FSCN1: variants seen among roughly 807,000 people sequenced by gnomAD.
FSCN1 encodes the protein fascin.
In FSCN1, 10 loss-of-function variants were observed where a neutral mutation model predicts 39.7. The observed-to-expected ratio is 0.25, with a 90% CI of 0.16 to 0.43. The LOEUF is 0.43. Ranked by LOEUF, FSCN1 falls within the 20% of genes least tolerant of loss-of-function variation. The pLI is 1.00. For synonymous variants in FSCN1, 322 were observed against 320.0 expected, an observed-to-expected ratio of 1.01 and a Z score of -0.07; for missense variants, 525 against 723.8, an observed-to-expected ratio of 0.73 and a Z score of 3.15.
rs375552132 is a variant in FSCN1 at position 5,603,215 on chromosome 7, G to C, written c.833-42G>C. 5.0e-6 allele frequency: 8 copies of C among 1,607,664 alleles called. No individual in the cohort carries two copies. The African/African-American group carries it at 6.7e-5, about 13-fold the overall frequency. On this transcript the variant is annotated intron_variant, in intron 1 of 4. Transcript: ENST00000382361. The surrounding 1 kb of genome is among the most constrained non-coding windows in gnomAD (Gnocchi z 8.5). Reference sequence around the variant, plus strand: ...GGGCTATGGTCTGCCAGAACTAGGGGGCGTGGGGCCCCAGTACCAGCCCAA... The same window carrying C: ...GGGCTATGGTCTGCCAGAACTAGGGCGCGTGGGGCCCCAGTACCAGCCCAA...
At position 5,592,848 on chromosome 7, in the gene FSCN1, G is replaced by C. The variant is rs890591289; in HGVS notation, c.-89G>C. The C allele has an allele frequency of 1.7e-5, 13 of 748,322 alleles. No individual in the cohort carries two copies. In the Admixed American group the frequency reaches 2.6e-4, roughly 15 times the overall value. 46.4% of individuals were successfully genotyped at this position (748,322 alleles called of 1,614,324 possible). On this transcript the variant is annotated 5_prime_UTR_variant, in exon 1 of 5. Coordinates refer to ENST00000382361, the MANE Select transcript of FSCN1 (RefSeq NM_003088.4). The surrounding 1 kb of genome is among the most constrained non-coding windows in gnomAD (Gnocchi z 5.3). Reference sequence around the variant, plus strand: ...GCTGCGGAGGGTGCGTGCGGGCCGCGGCAGCCGAACAAAGGAGCAGGGGCG... The same window carrying C: ...GCTGCGGAGGGTGCGTGCGGGCCGCCGCAGCCGAACAAAGGAGCAGGGGCG...
intron 1 of FSCN1, among the ~76,000 whole-genome samples, chr7:5,596,695 T>A (rs1785736356): frequency 6.6e-6 from 1 of 152,274 alleles, no homozygotes; most frequent in East Asian, 1.9e-4. Context: ...GCTTGGGACA[T>A]GCCCTCTCCC....
intron 1 of FSCN1, among the ~76,000 whole-genome samples, chr7:5,602,182 A>G (rs1785844263): frequency 6.7e-6 from 1 of 150,212 alleles, no homozygotes; most frequent in African/African-American, 2.5e-5. Flanking sequence ...CTGGGATTAC[A>G]GGTGTGAGCC....
chr7:5,603,168 C>A lies in FSCN1; in HGVS notation c.833-89C>A, dbSNP rs547043254. 2.2e-4 allele frequency: 324 copies of A among 1,455,828 alleles called. No homozygotes were observed. The highest frequency in any genetic ancestry group is 2.9e-4 in the Non-Finnish European group (304 of 1,058,776). The allele number at this position is 1,455,828 out of a possible 1,614,324, so 90.2% of individuals were successfully genotyped here. On this transcript the variant is annotated intron_variant, in intron 1 of 4. Coordinates refer to ENST00000382361, the MANE Select transcript of FSCN1 (RefSeq NM_003088.4). The surrounding 1 kb of genome is among the most constrained non-coding windows in gnomAD (Gnocchi z 8.5). ...CACCCCACCCCGTGGTGTTACCTTG[C>A]GTGTGTAGTTCTGTGAGCTCAGGGC...
chr7:5,604,555 G>C (rs1278474876), intron 4 of FSCN1, among the ~76,000 whole-genome samples: 1 of 152,096 alleles, frequency 6.6e-6, no homozygotes, highest in Non-Finnish European at 1.5e-5. Context: ...TGCAACCTCT[G>C]CCTCCTGGGT....
At chr7:5,601,197 C>CTTTTTTTTT (rs534109521) in intron 1 of FSCN1, among the ~76,000 whole-genome samples, 1 of 115,554 alleles carries the variant, frequency 8.7e-6, no homozygotes, top group Non-Finnish European at 1.7e-5. Flanking sequence ...TTCTTTCTTC[C>CTTTTTTTTT]TTTTTTTTTT....
chr7:5,600,962 T>G (rs1785819033), intron 1 of FSCN1, among the ~76,000 whole-genome samples: 1 of 131,920 alleles, frequency 7.6e-6, no homozygotes, highest in African/African-American at 3.0e-5. Context: ...TCCTTTTTTT[T>G]GTATTTTTAG....
chr7:5,596,366 T>A (rs767493920), intron 1 of FSCN1, among the ~76,000 whole-genome samples: 16 of 152,168 alleles, frequency 1.1e-4, no homozygotes, highest in Admixed American at 2.0e-4. Flanking sequence ...TGCGCCCTGC[T>A]CTTCAGCCTC....
At position 5,593,620 on chromosome 7, in the gene FSCN1, C is replaced by T; in HGVS notation, c.684C>T (p.Gly228=). ...SGKVAFRDCE[G]RYLAPSGPSG... is the part of the protein sequence containing the mutation. ...AGGTGGCCTTCCGCGACTGCGAGGGCCGTTACCTGGCGCCGTCGGGGCCCA... is the reference window on the plus strand; with the variant it reads ...AGGTGGCCTTCCGCGACTGCGAGGGTCGTTACCTGGCGCCGTCGGGGCCCA... Residue 228 remains glycine (G), a synonymous_variant, in exon 1 of 5, where the codon GGC becomes GGT. Transcript: ENST00000382361. 1.2e-5 allele frequency: 19 copies of T among 1,562,812 alleles called. No homozygotes were observed. The highest frequency in any genetic ancestry group is 1.5e-5 in the Non-Finnish European group (17 of 1,161,306).
chr7:5,598,157 G>A (rs1345088718), intron 1 of FSCN1, among the ~76,000 whole-genome samples: 2 of 152,178 alleles, frequency 1.3e-5, no homozygotes, highest in East Asian at 3.9e-4. Flanking sequence ...GAGCGGAGAG[G>A]CTGGGCCCTT....
chr7:5,594,819 T>C (rs1421082504), intron 1 of FSCN1: 1 of 152,252 alleles, frequency 6.6e-6, no homozygotes, highest in Non-Finnish European at 1.5e-5. Flanking sequence ...CCCTACCCTC[T>C]GGTGAACCCA....
Position 5,603,035 on chromosome 7 carries a change from G to C in FSCN1, c.833-222G>C. ...CCTATTATTTCTCTAACTGGGGAAA[G>C]TCATGTGGGAACAGATGTAGCTTGC... On this transcript the variant is annotated intron_variant, in intron 1 of 4. Transcript: ENST00000382361. This position sits in a 1 kb window ranked among gnomAD's most constrained non-coding sequence, Gnocchi z 8.5. 1.7e-6 allele frequency: 1 copy of C among 584,892 alleles called. No individual in the cohort carries two copies. Among genetic ancestry groups the C allele is most frequent in the South Asian group, 2.0e-5 (1 of 49,514 alleles). 36.2% of individuals were successfully genotyped at this position (584,892 alleles called of 1,614,324 possible).
Position 5,606,298 on chromosome 7 carries a change from T to C in FSCN1, c.*824T>C, listed in dbSNP as rs1330559876. On this transcript the variant is annotated 3_prime_UTR_variant, in exon 5 of 5. Transcript: ENST00000382361. The surrounding 1 kb of genome is among the most constrained non-coding windows in gnomAD (Gnocchi z 5.1). Reference sequence around the variant, plus strand: ...AGCCTGGCTGTAGTAGCGAGTGATCTGGCGGGGGGCGTCTCAGCACCCTCC... The same window carrying C: ...AGCCTGGCTGTAGTAGCGAGTGATCCGGCGGGGGGCGTCTCAGCACCCTCC... 2 of 152,140 alleles carry C rather than the reference T, an allele frequency of 1.3e-5. No homozygotes were observed. Among genetic ancestry groups the C allele is most frequent in the Admixed American group, 1.3e-4 (2 of 15,290 alleles). 9.4% of individuals were successfully genotyped at this position (152,140 alleles called of 1,614,324 possible).
chr7:5,601,348 A>G (rs2966446), intron 1 of FSCN1, among the ~76,000 whole-genome samples: 22,116 of 151,402 alleles, frequency 0.15, 1,622 homozygotes, highest in South Asian at 0.18. Context: ...GATTACAGGC[A>G]TGCCCCACCA....
At chr7:5,597,692 A>C (rs890536413) in intron 1 of FSCN1, among the ~76,000 whole-genome samples, 13 of 151,800 alleles carry the variant, frequency 8.6e-5, no homozygotes, top group African/African-American at 3.1e-4. Flanking sequence ...AACAAAAAAA[A>C]CAACCAAAAC....
chr7:5,603,640 C>T lies in FSCN1; in HGVS notation c.1111+23C>T. The T allele has an allele frequency of 6.2e-7, 1 of 1,613,852 alleles. No homozygotes were observed. The highest frequency in any genetic ancestry group is 8.5e-7 in the Non-Finnish European group (1 of 1,179,964). On this transcript the variant is annotated intron_variant, in intron 3 of 4. Coordinates refer to ENST00000382361, the MANE Select transcript of FSCN1 (RefSeq NM_003088.4). The surrounding 1 kb of genome is among the most constrained non-coding windows in gnomAD (Gnocchi z 8.5). ...CAGGTAACACTAAAGCCCCAGTTCC[C>T]TGGAGCCGTCCTGGAGTCCTGGAGG...
chr7:5,596,829 A>C (rs913135924), intron 1 of FSCN1, among the ~76,000 whole-genome samples: 4 of 152,240 alleles, frequency 2.6e-5, no homozygotes, highest in Non-Finnish European at 4.4e-5. Context: ...ATAAGGATGC[A>C]GAGGCATTTG....
At chr7:5,594,094 G>A (rs1785685443) in intron 1 of FSCN1, 1 of 288,320 alleles carries the variant, frequency 3.5e-6, no homozygotes, top group African/African-American at 3.1e-5. Context: ...CTGATCCCTC[G>A]GATCAGCTGT....
At position 5,592,908 on chromosome 7, in the gene FSCN1, C is replaced by A. The variant is rs1785658883; in HGVS notation, c.-29C>A. The A allele has an allele frequency of 2.2e-6, 3 of 1,394,620 alleles. No individual in the cohort carries two copies. The highest frequency in any genetic ancestry group is 2.9e-6 in the Non-Finnish European group (3 of 1,048,684). 86.4% of individuals were successfully genotyped at this position (1,394,620 alleles called of 1,614,324 possible). ...GGACCCGCCACCCACCTCCCGGGGC[C>A]GCGCAGCGGCCTCTCGTCTACTGCC... On this transcript the variant is annotated 5_prime_UTR_variant, in exon 1 of 5. Coordinates refer to ENST00000382361, the MANE Select transcript of FSCN1 (RefSeq NM_003088.4). This position sits in a 1 kb window ranked among gnomAD's most constrained non-coding sequence, Gnocchi z 5.3.
Sources: gnomAD v4.1 joint callset for allele counts (sites outside exome capture counted in the v4.1 genomes callset) on GRCh38, gnomAD v4.1.1 for gene constraint, Gnocchi (gnomAD v3.1) non-coding constraint, MANE v1.5 for transcripts, NCBI Gene and HGNC (gene_info 2026-07-23, HGNC 2026-07-21) for gene names.